Variants in STK40 observed in about 807,000 individuals in gnomAD.
STK40 encodes the protein serine/threonine-protein kinase 40.
STK40 carries 13 observed loss-of-function variants against 47.9 expected under a neutral mutation model. That is an observed-to-expected ratio of 0.27 (90% CI 0.18 to 0.43). STK40 has a LOEUF of 0.43. Ranked by LOEUF, STK40 falls within the 20% of genes least tolerant of loss-of-function variation. The pLI, the probability that STK40 is intolerant of heterozygous loss-of-function variation, is 1.00. For synonymous variants in STK40, 225 were observed against 243.2 expected (o/e 0.93, Z 0.69); for missense variants, 460 against 595.1 (o/e 0.77, Z 2.36).
intron 1 of STK40, among the ~76,000 whole-genome samples, chr1:36,365,234 C>A (rs1646891640): frequency 6.6e-6 from 1 of 152,212 alleles, no homozygotes; most frequent in Non-Finnish European, 1.5e-5. Context: ...AGGCGATACG[C>A]CCGCCTCGGC....
chr1:36,348,086 C>T (rs896180674), intron 7 of STK40, among the ~76,000 whole-genome samples: 2 of 152,320 alleles, frequency 1.3e-5, no homozygotes, highest in Non-Finnish European at 2.9e-5. Context: ...CCTGGGTGGC[C>T]CTCAGCAAAC....
intron 5 of STK40, 73 bp from the exon 6 acceptor site, chr1:36,354,489 G>C: frequency 6.6e-7 from 1 of 1,507,812 alleles, no homozygotes; most frequent in Non-Finnish European, 9.2e-7. Flanking sequence ...TGTAAGATGG[G>C]GGCTCTCCAG....
At position 36,355,214 on chromosome 1, in the gene STK40, G is replaced by A; in HGVS notation, c.562C>T (p.Leu188=). 1 of 1,613,784 alleles carries A rather than the reference G, an allele frequency of 6.2e-7. No homozygotes were observed. Among genetic ancestry groups the A allele is most frequent in the Non-Finnish European group, 8.5e-7 (1 of 1,180,034 alleles). ...GCAGGGTGTGGCCTCACCTGGTGCA[G>A]GGCCTCCACCACGCGGACCACGTCG... is the stretch of plus-strand genomic sequence containing the variant. ...FYDVVRVVEA[L]HQKNIVHRDL... is the part of the protein sequence containing the mutation. Residue 188 remains leucine, a synonymous_variant, in exon 5 of 11, where the codon CTG becomes TTG. Coordinates refer to ENST00000373132, the MANE Select transcript of STK40 (RefSeq NM_001282547.2).
chr1:36,361,412 GCC>G (rs2124739433), intron 1 of STK40, 72 bp from the exon 2 acceptor site: 1 of 1,595,716 alleles, frequency 6.3e-7, no homozygotes, highest in Admixed American at 1.7e-5. Flanking sequence ...CAGCCTGCAG[GCC>G]TTTGACTTGG....
At chr1:36,382,853 A>T (rs1196733092) in intron 1 of STK40, among the ~76,000 whole-genome samples, 1 of 152,224 alleles carries the variant, frequency 6.6e-6, no homozygotes, top group Non-Finnish European at 1.5e-5. Context: ...TATTGTCCCC[A>T]TTTTACAGAT....
intron 1 of STK40, among the ~76,000 whole-genome samples, chr1:36,383,479 C>G (rs886540911): frequency 6.6e-6 from 1 of 152,240 alleles, no homozygotes; most frequent in Non-Finnish European, 1.5e-5. Context: ...ACTGGTTGCA[C>G]ATGGTGCTTC....
intron 1 of STK40, among the ~76,000 whole-genome samples, chr1:36,364,979 G>A (rs1317219181): frequency 6.7e-6 from 1 of 149,012 alleles, no homozygotes; most frequent in African/African-American, 2.5e-5. Flanking sequence ...TATTGTTTTG[G>A]TCCTTATTCT....
intron 1 of STK40, among the ~76,000 whole-genome samples, chr1:36,362,146 C>T (rs948694070): frequency 1.3e-5 from 2 of 152,122 alleles, no homozygotes; most frequent in Admixed American, 1.3e-4. Context: ...AAATGAAAGG[C>T]GGACATTGGG....
chr1:36,374,729 C>T (rs980951411), intron 1 of STK40, among the ~76,000 whole-genome samples: 1 of 152,200 alleles, frequency 6.6e-6, no homozygotes. Context: ...GGGATGTTTG[C>T]GGTGGCCCCT....
rs1436531127 is a variant in STK40 at position 36,346,009 on chromosome 1, T to TTC, written c.740-1746_740-1745insGA. Among the ~76,000 whole-genome samples the TTC allele has an allele frequency of 2.9e-3, 350 of 121,880 alleles. 13 individuals are homozygous for TTC. The highest frequency in any genetic ancestry group is 0.012 in the African/African-American group (329 of 26,366). The allele number at this position is 121,880 out of a possible 152,430, so 80.0% of individuals were successfully genotyped here. On this transcript the variant is annotated intron_variant, in intron 7 of 10. Coordinates refer to ENST00000373132, the MANE Select transcript of STK40 (RefSeq NM_001282547.2). ...TATATATATTTTTTTTTTTTTTTTTTCCTGAGACAGAGTCTTGCTCTGTTG... is the reference window on the plus strand; with the variant it reads ...TATATATATTTTTTTTTTTTTTTTTTTCCCTGAGACAGAGTCTTGCTCTGTTG...
intron 2 of STK40, 52 bp from the exon 3 acceptor site, chr1:36,358,874 A>T (rs746317166): frequency 6.2e-6 from 10 of 1,601,152 alleles, no homozygotes; most frequent in Non-Finnish European, 6.8e-6. Context: ...GGCTGTCACG[A>T]CGCCAGGTCA....
Position 36,344,212 on chromosome 1 carries a change from G to C in STK40, c.792C>G (p.Leu264=), listed in dbSNP as rs1646679901. 1 of 1,613,220 alleles carries C rather than the reference G, an allele frequency of 6.2e-7. No individual in the cohort carries two copies. ...PSDMWALGVV[L]FTMLYGQFPF... The stretch of plus-strand genomic sequence containing the variant: ...GGAACTGGCCATACAGCATGGTGAA[G>C]AGCACCACGCCCAGGGCCCACATGT... The change falls in exon 8 of 11, where the codon CTC becomes CTG. Residue 264 remains leucine, a synonymous_variant. Transcript: ENST00000373132.
Position 36,349,165 on chromosome 1 carries a change from G to A in STK40, c.624-350C>T, listed in dbSNP as rs540877462. 5.3e-5 allele frequency among the ~76,000 whole-genome samples: 8 copies of A among 152,328 alleles called. 1 individual carries two copies. Among genetic ancestry groups the A allele is most frequent in the Admixed American group, 3.9e-4 (6 of 15,294 alleles). On this transcript the variant is annotated intron_variant, in intron 6 of 10. Coordinates refer to ENST00000373132, the MANE Select transcript of STK40 (RefSeq NM_001282547.2). ...AGAGATTTCTCAAAAACAGCCTCAC[G>A]TAATATTCTAGACTGGGAGTGACCT...
intron 3 of STK40, 79 bp from the exon 4 acceptor site, chr1:36,358,461 G>T (rs1466194293): frequency 1.3e-6 from 2 of 1,522,338 alleles, no homozygotes; most frequent in Non-Finnish European, 8.8e-7. Context: ...GGGGGAAGCA[G>T]GGGGCTTTTT....
At chr1:36,375,603 GC>G (rs1376240095) in intron 1 of STK40, among the ~76,000 whole-genome samples, 1 of 152,206 alleles carries the variant, frequency 6.6e-6, no homozygotes, top group Non-Finnish European at 1.5e-5. Context: ...CCTAGGTGCT[GC>G]GCTTCTCTTT....
intron 1 of STK40, among the ~76,000 whole-genome samples, chr1:36,382,099 T>C (rs1647044196): frequency 1.3e-5 from 2 of 152,176 alleles, no homozygotes; most frequent in African/African-American, 4.8e-5. Context: ...TGATGCCTCT[T>C]GATGCTGCTT....
chr1:36,382,881 G>C (rs1180988556), intron 1 of STK40, among the ~76,000 whole-genome samples: 1 of 152,208 alleles, frequency 6.6e-6, no homozygotes, highest in Non-Finnish European at 1.5e-5. Flanking sequence ...CTGTGGTGGA[G>C]AGAATAAGTA....
At chr1:36,342,059 G>A (rs1488632349) in intron 10 of STK40, 86 bp from the exon 11 acceptor site, 2 of 1,291,590 alleles carry the variant, frequency 1.5e-6, no homozygotes, top group Non-Finnish European at 2.2e-6. Context: ...AAGAGTGCTG[G>A]CAGCCTGGCT....
At chr1:36,341,997 G>T in intron 10 of STK40, 24 bp from the exon 11 acceptor site, 1 of 1,595,536 alleles carries the variant, frequency 6.3e-7, no homozygotes, top group Non-Finnish European at 8.5e-7. Context: ...AGGGTGGGAA[G>T]GAGACAAAGA....
Sources: allele counts gnomAD v4.1 joint callset (sites outside exome capture counted in the v4.1 genomes callset), GRCh38; gene constraint gnomAD v4.1.1; transcripts MANE v1.5; gene names NCBI Gene and HGNC (gene_info 2026-07-23, HGNC 2026-07-21).